Variants in SPTBN5 observed in about 807,000 individuals in gnomAD.
SPTBN5 encodes the protein spectrin beta, non-erythrocytic 5.
SPTBN5 carries 513 observed loss-of-function variants against 477.6 expected under a neutral mutation model. The observed-to-expected ratio is 1.07, with a 90% CI of 1.00 to 1.16. The LOEUF is 1.16. Ranked by LOEUF, SPTBN5 falls within the 50% of genes most tolerant of loss-of-function variation. The pLI, the probability that SPTBN5 is intolerant of heterozygous loss-of-function variation, is 0.00. For missense variants in SPTBN5, 5,062 were observed against 4,731.8 expected (o/e 1.07, Z -2.05); for synonymous variants, 2,169 against 2,011.7 (o/e 1.08, Z -2.09).
intron 61 of SPTBN5, 42 bp from the exon 62 acceptor site, chr15:41,852,358 G>GT: frequency 6.6e-7 from 1 of 1,521,162 alleles, no homozygotes; most frequent in Admixed American, 2.0e-5. Context: ...CCAGGTCAGG[G>GT]AGACCAGCCA....
rs374505791 is a variant in SPTBN5 at position 41,870,572 on chromosome 15, G to C, written c.5448-12C>G. 1 of 1,601,200 alleles carries C rather than the reference G, an allele frequency of 6.2e-7. No individual in the cohort carries two copies. The highest frequency in any genetic ancestry group is 1.3e-5 in the African/African-American group (1 of 74,924). On this transcript the variant is annotated splice_polypyrimidine_tract_variant and intron_variant, in intron 29 of 67. Coordinates refer to ENST00000320955, the MANE Select transcript of SPTBN5 (RefSeq NM_016642.4). ...CCGACCAGGCGGTCCTGCCCACGGC[G>C]TGTGGAAGACCAGCCGGGGATCAGC...
chr15:41,855,360 G>GCCTCCGC lies in SPTBN5; in HGVS notation c.9280_9286dup (p.Ala3096GlyfsTer55), dbSNP rs758266408. On this transcript the variant is annotated frameshift_variant, in exon 55 of 68. Transcript: ENST00000320955. LOFTEE classifies it high-confidence loss of function. ...CTGCTCCTGCAGGCCGTGCCCCCTG[G>GCCTCCGC]CCTCCGCCCTCCGCAGCAGCTCTGC... The GCCTCCGC allele has an allele frequency of 3.2e-5, 51 of 1,605,524 alleles. No homozygotes were observed. Among genetic ancestry groups the GCCTCCGC allele is most frequent in the Non-Finnish European group, 3.9e-5 (46 of 1,179,626 alleles).
rs181590268 is a variant in SPTBN5, at chr15:41,893,159, A to G, written c.217-98T>C. On this transcript the variant is annotated intron_variant, in intron 2 of 67. Transcript: ENST00000320955. ...TACGACCCAGAGCAGCTGCTTTGGA[A>G]GAAGGAGCTCTGGCCTCAGCTTGGC... 29 of 1,567,898 alleles carry G rather than the reference A, an allele frequency of 1.8e-5. No homozygotes were observed. In the East Asian group the frequency reaches 3.7e-4, roughly 20 times the overall value.
In SPTBN5 at chr15:41,876,272, C is replaced by T. The variant is rs780552176; in HGVS notation, c.3964G>A (p.Asp1322Asn). 2 of 1,571,228 alleles carry T rather than the reference C, an allele frequency of 1.3e-6. No individual in the cohort carries two copies. Among genetic ancestry groups the T allele is most frequent in the Non-Finnish European group, 1.7e-6 (2 of 1,158,256 alleles). ...ATCCACTGCATCAGCTCTGCCACAT[C>T]CTGCTTCCACTCCTGCCAAGAACCA... ...ASLQLQEWKQ[D>N]VAELMQWMEE... is the part of the protein sequence containing the mutation. The change falls in exon 21 of 68, where the codon GAT becomes AAT. Residue 1322 changes from aspartate (D) to asparagine (N), a missense_variant. Transcript: ENST00000320955.
chr15:41,864,027 G>C lies in SPTBN5; in HGVS notation c.6919-3C>G. ...ATGCAGGCATCACCCACTGTGTCCT[G>C]CAGGGGAGGTATGGGTGAGGGCATT... On this transcript the variant is annotated splice_polypyrimidine_tract_variant and splice_region_variant and intron_variant, in intron 39 of 67. Coordinates refer to ENST00000320955, the MANE Select transcript of SPTBN5 (RefSeq NM_016642.4). The C allele has an allele frequency of 1.9e-6, 3 of 1,610,532 alleles. No homozygotes were observed. The highest frequency in any genetic ancestry group is 2.5e-6 in the Non-Finnish European group (3 of 1,178,404).
chr15:41,851,202 G>GTGGGGTCCCTCTGTCC (rs1260903630), intron 64 of SPTBN5, 52 bp from the exon 65 acceptor site: 2 of 1,587,054 alleles, frequency 1.3e-6, no homozygotes, highest in East Asian at 2.3e-5. Flanking sequence ...GCTTTTCCCT[G>GTGGGGTCCCTCTGTCC]TGGGGTCCCT....
rs750090869 is a variant in SPTBN5 at position 41,854,226 on chromosome 15, T to C, written c.9619-21A>G. On this transcript the variant is annotated intron_variant, in intron 56 of 67. Transcript: ENST00000320955. ...AAGTTCTGGGAGAGGAGAAAGGACC[T>C]GCTCAGGGCTGTTCTCTGCTCCCAG... The C allele has an allele frequency of 9.5e-6, 15 of 1,581,638 alleles. No homozygotes were observed. The East Asian group carries it at 2.8e-4, about 29-fold the overall frequency.
At chr15:41,872,510 C>T in intron 26 of SPTBN5, 51 bp from the exon 27 acceptor site, 2 of 1,521,412 alleles carry the variant, frequency 1.3e-6, no homozygotes, top group Non-Finnish European at 8.8e-7. Context: ...ACTCATCCAC[C>T]CACCTGTCCG....
At chr15:41,857,908 GA>G (rs1194810558) in intron 49 of SPTBN5, among the ~76,000 whole-genome samples, 198 bp from the exon 50 acceptor site, 2 of 152,222 alleles carry the variant, frequency 1.3e-5, no homozygotes, top group Non-Finnish European at 2.9e-5. Context: ...GTTTAAATGA[GA>G]TAAGTCATAT....
At chr15:41,853,843 C>T in intron 57 of SPTBN5, 56 bp from the exon 58 acceptor site, 2 of 1,488,716 alleles carry the variant, frequency 1.3e-6, no homozygotes, top group African/African-American at 1.4e-5. Context: ...GATGCGTGCT[C>T]TGCATTCAGG....
chr15:41,891,989 G>A (rs2067328178), intron 3 of SPTBN5, among the ~76,000 whole-genome samples: 1 of 152,138 alleles, frequency 6.6e-6, no homozygotes, highest in Non-Finnish European at 1.5e-5. Flanking sequence ...GAGATGACTG[G>A]CTCACAGGGT....
chr15:41,851,936 T>C, intron 62 of SPTBN5, 86 bp from the exon 63 acceptor site: 1 of 1,127,014 alleles, frequency 8.9e-7, no homozygotes, highest in Non-Finnish European at 1.3e-6. Flanking sequence ...CAGCTCTCTT[T>C]ATTCCTCCCA....
Position 41,893,415 on chromosome 15 carries a change from A to T in SPTBN5, c.83T>A (p.Val28Asp). ...RSRRPSTELRVPPSPSLTMDS... is the reference protein window; with the variant it reads ...RSRRPSTELRDPPSPSLTMDS... ...CATGGTGAGACTTGGACTGGGCGGG[A>T]CCCGGAGTTCTGTGCTGGGCCTCCT... The change falls in exon 2 of 68, where the codon GTC becomes GAC. Residue 28 changes from valine to aspartate, a missense_variant. Transcript: ENST00000320955. 1 of 1,613,188 alleles carries T rather than the reference A, an allele frequency of 6.2e-7. No homozygotes were observed. The highest frequency in any genetic ancestry group is 8.5e-7 in the Non-Finnish European group (1 of 1,179,814).
chr15:41,878,285 G>C, intron 17 of SPTBN5, 57 bp downstream of exon 17: 2 of 1,570,540 alleles, frequency 1.3e-6, no homozygotes, highest in African/African-American at 1.4e-5. Context: ...CCTGAACCCA[G>C]AGCCCAGAGC....
chr15:41,876,506 C>T, intron 20 of SPTBN5, 42 bp downstream of exon 20: 1 of 1,529,590 alleles, frequency 6.5e-7, no homozygotes, highest in Non-Finnish European at 8.9e-7. Flanking sequence ...CTCAGGCTTT[C>T]TTTTCAGGGA....
Position 41,870,295 on chromosome 15 carries a change from T to C in SPTBN5, c.5621A>G (p.Gln1874Arg). The C allele has an allele frequency of 6.4e-7, 1 of 1,557,382 alleles. No homozygotes were observed. The change falls in exon 31 of 68, where the codon CAG becomes CGG. Residue 1874 changes from glutamine (Q) to arginine (R), a missense_variant. Gln to Arg is a conservative substitution (Grantham distance 43, BLOSUM62 1). Transcript: ENST00000320955. ...CTCCAGCCCCTGGTGGCTTCTCAGC[T>C]GCGCCTCCAGCCCACACAGGTCCCG... ...VARDLCGLEA[Q>R]LRSHQGLERE...
At chr15:41,882,833 T>G in intron 9 of SPTBN5, 95 bp from the exon 10 acceptor site, 1 of 1,468,522 alleles carries the variant, frequency 6.8e-7, no homozygotes. Context: ...TTAGACAGGA[T>G]TTTTCTTTTC....
At chr15:41,850,086 C>T (rs540781041) in intron 66 of SPTBN5, 127 bp from the exon 67 acceptor site, 19 of 788,846 alleles carry the variant, frequency 2.4e-5, no homozygotes, top group African/African-American at 3.4e-5. Context: ...ATGCCAGGCC[C>T]TTCCCACGTG....
At chr15:41,886,600 C>T (rs1241858894) in intron 6 of SPTBN5, among the ~76,000 whole-genome samples, 1 of 152,224 alleles carries the variant, frequency 6.6e-6, no homozygotes, top group Non-Finnish European at 1.5e-5. Context: ...TGCCTTCTTC[C>T]TCTTGTTTTA....
Sources: allele counts gnomAD v4.1 joint callset (sites outside exome capture counted in the v4.1 genomes callset), GRCh38; gene constraint gnomAD v4.1.1; transcripts MANE v1.5; gene names NCBI Gene and HGNC (gene_info 2026-07-23, HGNC 2026-07-21).